Variants in ABCA13 observed in about 807,000 individuals in gnomAD.
ABCA13 encodes the protein ATP binding cassette subfamily A member 13, also known as ATP-binding cassette sub-family A member 13.
In ABCA13, 476 loss-of-function variants were observed where a neutral mutation model predicts 478.7. That is an observed-to-expected ratio of 0.99 (90% CI 0.92 to 1.07). The LOEUF is 1.07. Among genes scored for constraint, ABCA13 ranks in the 50% least tolerant of loss-of-function variants. The pLI, the probability that ABCA13 is intolerant of heterozygous loss-of-function variation, is 0.00. For synonymous variants in ABCA13, 2,252 were observed against 2,158.9 expected (o/e 1.04, Z -1.20); for missense variants, 6,060 against 5,910.6 (o/e 1.03, Z -0.83).
At chr7:48,449,837 C>T (rs928687045) in intron 42 of ABCA13, among the ~76,000 whole-genome samples, 4 of 152,200 alleles carry the variant, frequency 2.6e-5, no homozygotes, top group African/African-American at 9.7e-5. Flanking sequence ...ATATTTCTGT[C>T]CCATAATCCA....
At chr7:48,496,135 T>A (rs567280141) in intron 48 of ABCA13, among the ~76,000 whole-genome samples, 10 of 152,248 alleles carry the variant, frequency 6.6e-5, no homozygotes, top group Admixed American at 2.0e-4. Flanking sequence ...AGTCTGACAT[T>A]ATCATTTGTT....
chr7:48,443,723 CA>C (rs1308638254), intron 42 of ABCA13, among the ~76,000 whole-genome samples: 1 of 152,042 alleles, frequency 6.6e-6, no homozygotes. Flanking sequence ...CTTCTTGTGC[CA>C]AGTCAATTTC....
intron 55 of ABCA13, among the ~76,000 whole-genome samples, chr7:48,550,843 G>A (rs1208571047): frequency 6.6e-6 from 1 of 151,270 alleles, no homozygotes; most frequent in Non-Finnish European, 1.5e-5. Context: ...TGCACCAACT[G>A]TCATCCCAGG....
chr7:48,268,244 C>G (rs984141256), intron 15 of ABCA13, among the ~76,000 whole-genome samples: 11 of 152,226 alleles, frequency 7.2e-5, no homozygotes, highest in African/African-American at 2.6e-4. Context: ...GCAATCTCCC[C>G]CTCCCGGGTT....
intron 48 of ABCA13, among the ~76,000 whole-genome samples, chr7:48,501,613 A>G (rs1473149001): frequency 6.6e-6 from 1 of 152,126 alleles, no homozygotes; most frequent in Non-Finnish European, 1.5e-5. Flanking sequence ...AGGTATTTGC[A>G]CCAGTGGTTT....
chr7:48,207,716 A>G (rs1392243163), intron 3 of ABCA13, among the ~76,000 whole-genome samples: 1 of 152,068 alleles, frequency 6.6e-6, no homozygotes, highest in Non-Finnish European at 1.5e-5. Context: ...TCATATGTGT[A>G]GTTTGCAGAT....
chr7:48,348,955 T>C (rs1169855606), intron 29 of ABCA13, among the ~76,000 whole-genome samples: 1 of 152,242 alleles, frequency 6.6e-6, no homozygotes, highest in African/African-American at 2.4e-5. Flanking sequence ...CCTGGTGTAT[T>C]TGTAAGAAGG....
intron 32 of ABCA13, among the ~76,000 whole-genome samples, chr7:48,368,631 ATTATTTCATTCCTTTTTATG>A (rs1812080608): frequency 6.7e-6 from 1 of 148,564 alleles, no homozygotes; most frequent in Admixed American, 6.7e-5. Context: ...TCTGAATGCT[ATTATTTCATTCCTTTTTATG>A]GATGAGTATA....
chr7:48,236,061 A>G (rs1359677612), intron 8 of ABCA13, among the ~76,000 whole-genome samples: 3 of 152,152 alleles, frequency 2.0e-5, no homozygotes, highest in African/African-American at 7.2e-5. Context: ...GTTGATGAGG[A>G]TGTAACCTCA....
At chr7:48,279,988 GGAATTACAGT>G in intron 18 of ABCA13, 68 bp downstream of exon 18, 1 of 1,403,088 alleles carries the variant, frequency 7.1e-7, no homozygotes, top group Non-Finnish European at 9.3e-7. Flanking sequence ...GAACCATGCA[GGAATTACAGT>G]GAATCGGGGT....
intron 55 of ABCA13, among the ~76,000 whole-genome samples, chr7:48,550,908 T>A (rs1336662439): frequency 2.6e-5 from 4 of 151,356 alleles, no homozygotes; most frequent in Admixed American, 2.0e-4. Flanking sequence ...CAACTGAAAA[T>A]TTTTTTTACC....
chr7:48,309,924 C>A (rs1471826679), intron 23 of ABCA13, 23 bp from the exon 24 acceptor site: 1 of 1,613,532 alleles, frequency 6.2e-7, no homozygotes, highest in Admixed American at 1.7e-5. Context: ...ATACTCACCT[C>A]TAATCTCTGT....
intron 51 of ABCA13, among the ~76,000 whole-genome samples, chr7:48,512,153 GAAAC>G (rs1424398476): frequency 6.6e-6 from 1 of 151,524 alleles, no homozygotes; most frequent in African/African-American, 2.4e-5. Context: ...GAGAGAGAGA[GAAAC>G]AAGACAGACA....
At chr7:48,589,599 A>G (rs1287556847) in intron 57 of ABCA13, among the ~76,000 whole-genome samples, 1 of 152,214 alleles carries the variant, frequency 6.6e-6, no homozygotes, top group Non-Finnish European at 1.5e-5. Context: ...CCCTCTTAGC[A>G]AATTTCAAAT....
intron 33 of ABCA13, among the ~76,000 whole-genome samples, chr7:48,373,862 T>A (rs182859025): frequency 6.6e-6 from 1 of 152,124 alleles, no homozygotes; most frequent in East Asian, 1.9e-4. Context: ...ATGTAAGATA[T>A]TTTTTTCAAT....
At chr7:48,295,184 C>A (rs1799193221) in intron 20 of ABCA13, among the ~76,000 whole-genome samples, 1 of 152,150 alleles carries the variant, frequency 6.6e-6, no homozygotes, top group Non-Finnish European at 1.5e-5. Flanking sequence ...ACACCCTTAC[C>A]AACACTCGTT....
chr7:48,287,356 G>A lies in ABCA13; in HGVS notation c.8837-604G>A, dbSNP rs556234271. Among the ~76,000 whole-genome samples the A allele has an allele frequency of 3.3e-5, 5 of 152,282 alleles. No individual in the cohort carries two copies. In the East Asian group the frequency reaches 9.6e-4, roughly 29 times the overall value. On this transcript the variant is annotated intron_variant, in intron 19 of 61. Coordinates refer to ENST00000435803, the MANE Select transcript of ABCA13 (RefSeq NM_152701.5). ...TAAGGCAGATTGGAAGGGTGAGGTGGGAGTGGGACTGTTAAGAGCACAGCA... is the reference window on the plus strand; with the variant it reads ...TAAGGCAGATTGGAAGGGTGAGGTGAGAGTGGGACTGTTAAGAGCACAGCA...
intron 55 of ABCA13, among the ~76,000 whole-genome samples, chr7:48,538,236 G>T (rs2131107494): frequency 6.6e-6 from 1 of 151,438 alleles, no homozygotes; most frequent in Admixed American, 6.6e-5. Context: ...GAGTAGCTGG[G>T]ATTACAGGCG....
intron 42 of ABCA13, among the ~76,000 whole-genome samples, chr7:48,429,149 A>G (rs749175721): frequency 6.6e-6 from 1 of 152,206 alleles, no homozygotes; most frequent in Non-Finnish European, 1.5e-5. Flanking sequence ...CAAATATTTC[A>G]TTGTATAAAT....
Sources: gnomAD v4.1 joint callset for allele counts (sites outside exome capture counted in the v4.1 genomes callset) on GRCh38, gnomAD v4.1.1 for gene constraint, MANE v1.5 for transcripts, NCBI Gene and HGNC (gene_info 2026-07-23, HGNC 2026-07-21) for gene names.